Variants in WRN observed in about 807,000 individuals in gnomAD.
WRN encodes the protein WRN RecQ like helicase.
In WRN, 149 loss-of-function variants were observed where a neutral mutation model predicts 180.7. The ratio of observed to expected loss-of-function variants is 0.82; its 90% CI spans 0.72 to 0.94. WRN has a LOEUF of 0.94. Ranked by LOEUF, WRN falls within the 40% of genes least tolerant of loss-of-function variation. The probability of loss-of-function intolerance (pLI) is 0.00; values close to 1 mark genes in which losing one functional copy is unlikely to be tolerated. For missense variants in WRN, 1,661 were observed against 1,700.1 expected (o/e 0.98, Z 0.40); for synonymous variants, 548 against 568.9 (o/e 0.96, Z 0.52).
At chr8:31,112,655 C>T (rs549923379) in intron 19 of WRN, among the ~76,000 whole-genome samples, 4 of 152,118 alleles carry the variant, frequency 2.6e-5, no homozygotes, top group East Asian at 3.9e-4. Context: ...GGCGCAATCC[C>T]GGCTCACTAC....
At position 31,174,398 on chromosome 8, in the gene WRN, G is replaced by A. The variant is rs1457521189; in HGVS notation, c.*1296G>A. ...ATTATTTGAGTTGCCAATTGAATTT[G>A]CTGCTTTTTTTCATGGCTTGCCATT... On this transcript the variant is annotated 3_prime_UTR_variant, in exon 35 of 35. Transcript: ENST00000298139. 6.6e-6 allele frequency among the ~76,000 whole-genome samples: 1 copy of A among 152,164 alleles called. No homozygotes were observed. Among genetic ancestry groups the A allele is most frequent in the Non-Finnish European group, 1.5e-5 (1 of 68,038 alleles).
intron 1 of WRN, among the ~76,000 whole-genome samples, chr8:31,053,510 C>T (rs931965729): frequency 6.6e-5 from 10 of 152,134 alleles, no homozygotes; most frequent in Admixed American, 2.0e-4. Context: ...ATTATGTGGA[C>T]AGTCCAAAGG....
chr8:31,143,497 T>G (rs1038068955), intron 27 of WRN, 53 bp from the exon 28 acceptor site: 94 of 1,262,898 alleles, frequency 7.4e-5, no homozygotes, highest in Non-Finnish European at 1.0e-4. Context: ...TTTCTTCACA[T>G]TTAAAAGTTT....
chr8:31,073,186 G>GC (rs1484974563), intron 7 of WRN, among the ~76,000 whole-genome samples: 1 of 152,200 alleles, frequency 6.6e-6, no homozygotes, highest in Non-Finnish European at 1.5e-5. Context: ...AAAATATTTA[G>GC]CCCCAGGGCA....
chr8:31,166,426 G>A (rs1053891076), intron 33 of WRN, among the ~76,000 whole-genome samples: 1 of 152,020 alleles, frequency 6.6e-6, no homozygotes, highest in Non-Finnish European at 1.5e-5. Flanking sequence ...CTGTTGAGTT[G>A]CAAAAAATGT....
chr8:31,058,767 T>C (rs962329100), intron 2 of WRN, among the ~76,000 whole-genome samples: 4 of 152,206 alleles, frequency 2.6e-5, no homozygotes, highest in African/African-American at 9.7e-5. Flanking sequence ...TCGGGTTGAC[T>C]TTACCAGTTT....
rs114173587 is a variant in WRN at position 31,099,547 on chromosome 8, T to G, written c.1982-1302T>G. ...TGACTTTGACCCCATGTTTAGTAGG[T>G]TTTTTTTTTGTTTGTTTGTTTGTTT... is the stretch of plus-strand genomic sequence containing the variant. On this transcript the variant is annotated intron_variant, in intron 17 of 34. Coordinates refer to ENST00000298139, the MANE Select transcript of WRN (RefSeq NM_000553.6). Among the ~76,000 whole-genome samples, 1,231 of 147,586 alleles carry G rather than the reference T, an allele frequency of 8.3e-3. 20 individuals are homozygous for G. The highest frequency in any genetic ancestry group is 0.029 in the African/African-American group (1,173 of 40,018).
chr8:31,110,157 A>C (rs17651080), intron 18 of WRN, among the ~76,000 whole-genome samples: 23,545 of 152,118 alleles, frequency 0.15, 2,031 homozygotes, highest in South Asian at 0.25. Flanking sequence ...TCTAATTTTT[A>C]AACCTCCCTT....
chr8:31,096,655 T>A (rs968341802), intron 16 of WRN, 113 bp from the exon 17 acceptor site: 32 of 837,958 alleles, frequency 3.8e-5, no homozygotes, highest in Non-Finnish European at 5.8e-5. Context: ...TAAACTTTCA[T>A]AAGGTATCTT....
Position 31,076,166 on chromosome 8 carries a change from C to T in WRN, c.725-7C>T. On this transcript the variant is annotated splice_region_variant and splice_polypyrimidine_tract_variant and intron_variant, in intron 7 of 34. Transcript: ENST00000298139. ...TGAAAATTAATATTGATTTTTTTTC[C>T]CCCTAGAGGAAGAAATCCTACTTAG... is the stretch of plus-strand genomic sequence containing the variant. 6.2e-7 allele frequency: 1 copy of T among 1,605,200 alleles called. No individual in the cohort carries two copies.
At chr8:31,145,910 T>G (rs920650497) in intron 28 of WRN, among the ~76,000 whole-genome samples, 2 of 152,158 alleles carry the variant, frequency 1.3e-5, no homozygotes, top group African/African-American at 4.8e-5. Context: ...TTTAAATATA[T>G]GGGCTTAGTG....
intron 18 of WRN, among the ~76,000 whole-genome samples, chr8:31,108,959 T>C (rs1233089268): frequency 6.6e-6 from 1 of 152,222 alleles, no homozygotes; most frequent in East Asian, 1.9e-4. Context: ...CTTTGGAATG[T>C]CATCTTATAC....
At chr8:31,129,830 C>T (rs2737331) in intron 23 of WRN, among the ~76,000 whole-genome samples, 49,621 of 151,520 alleles carry the variant, frequency 0.33, 9,117 homozygotes, top group East Asian at 0.62. Context: ...CATGGTGAAA[C>T]CCCGTCTCTA....
Position 31,083,757 on chromosome 8 carries a change from A to G in WRN, c.1328A>G (p.Asp443Gly), listed in dbSNP as rs751493081. 6.2e-7 allele frequency: 1 copy of G among 1,604,796 alleles called. No individual in the cohort carries two copies. Among genetic ancestry groups the G allele is most frequent in the African/African-American group, 1.3e-5 (1 of 74,826 alleles). ...TCCTATGTAATTGAGAGTGATGAAG[A>G]TTTAGAAATGGAGATGCTTAAGGTA... Reference protein sequence around the residue: ...DTSYVIESDEDLEMEMLKHLS... With the variant: ...DTSYVIESDEGLEMEMLKHLS... Residue 443 changes from aspartate (D) to glycine (G), a missense_variant, in exon 10 of 35, where the codon GAT (aspartate) becomes GGT (glycine). By Grantham distance (94) the Asp-to-Gly change is moderately conservative (BLOSUM62 -1). Transcript: ENST00000298139.
intron 17 of WRN, among the ~76,000 whole-genome samples, chr8:31,098,700 A>G (rs1241828614): frequency 6.6e-6 from 1 of 152,206 alleles, no homozygotes; most frequent in Non-Finnish European, 1.5e-5. Flanking sequence ...GGTAAATGTT[A>G]AATTACTTAA....
intron 34 of WRN, among the ~76,000 whole-genome samples, chr8:31,169,735 C>G (rs1234684691): frequency 6.6e-6 from 1 of 152,154 alleles, no homozygotes; most frequent in Admixed American, 6.5e-5. Flanking sequence ...ATGAGATCTA[C>G]TCTGCCATTT....
chr8:31,163,479 G>C (rs1803717184), intron 33 of WRN, among the ~76,000 whole-genome samples: 1 of 152,036 alleles, frequency 6.6e-6, no homozygotes, highest in African/African-American at 2.4e-5. Flanking sequence ...AACTGAACAA[G>C]TTTCTCTTTT....
At chr8:31,106,238 C>T (rs79242205) in intron 18 of WRN, among the ~76,000 whole-genome samples, 3,555 of 152,214 alleles carry the variant, frequency 0.023, 119 homozygotes, top group African/African-American at 0.078. Flanking sequence ...TCCCCAGGTA[C>T]GGGCCACCAT....
chr8:31,065,025 A>G lies in WRN; in HGVS notation c.466A>G (p.Lys156Glu), dbSNP rs758208189. 27 of 1,613,676 alleles carry G rather than the reference A, an allele frequency of 1.7e-5. 1 individual carries two copies. In the South Asian group the frequency reaches 3.0e-4, roughly 18 times the overall value. ...KLLRDFDIKLKNFVELTDVAN... is the reference protein window; with the variant it reads ...KLLRDFDIKLENFVELTDVAN... ...TCTACGTGACTTTGATATCAAATTG[A>G]AGAATTTTGTGGAGTTGACAGATGT... is the stretch of plus-strand genomic sequence containing the variant. Residue 156 changes from lysine (K) to glutamate (E), a missense_variant, in exon 5 of 35, where the codon AAG becomes GAG. Lys to Glu is a moderately conservative substitution (Grantham distance 56). Transcript: ENST00000298139.
Sources: gnomAD v4.1 joint callset for allele counts (sites outside exome capture counted in the v4.1 genomes callset) on GRCh38, gnomAD v4.1.1 for gene constraint, MANE v1.5 for transcripts, NCBI Gene and HGNC (gene_info 2026-07-23, HGNC 2026-07-21) for gene names.